DLG2: variants seen among roughly 807,000 people sequenced by gnomAD.
The protein encoded by DLG2 is discs large MAGUK scaffold protein 2, also known as disks large homolog 2.
DLG2 carries 45 observed loss-of-function variants against 132.5 expected under a neutral mutation model. The ratio of observed to expected loss-of-function variants is 0.34; its 90% CI spans 0.27 to 0.44. DLG2 has a LOEUF of 0.44. Among genes scored for constraint, DLG2 ranks in the 20% least tolerant of loss-of-function variants. The pLI, the probability that DLG2 is intolerant of heterozygous loss-of-function variation, is 1.00. For missense variants in DLG2, 1,045 were observed against 1,196.9 expected, an observed-to-expected ratio of 0.87 and a Z score of 1.87; for synonymous variants, 424 against 419.6, an observed-to-expected ratio of 1.01 and a Z score of -0.13.
intron 15 of DLG2, among the ~76,000 whole-genome samples, chr11:83,875,997 C>T (rs1048058273): frequency 6.6e-6 from 1 of 152,150 alleles, no homozygotes; most frequent in Non-Finnish European, 1.5e-5. Context: ...CCTCACAGTG[C>T]CAAGATATTC....
At chr11:85,201,220 A>C (rs2081434762) in intron 4 of DLG2, among the ~76,000 whole-genome samples, 1 of 152,188 alleles carries the variant, frequency 6.6e-6, no homozygotes, top group African/African-American at 2.4e-5. Context: ...CCACTACAGT[A>C]GGGTAGCTAC....
intron 6 of DLG2, among the ~76,000 whole-genome samples, chr11:84,972,536 C>G (rs2054247781): frequency 6.6e-6 from 1 of 152,134 alleles, no homozygotes. Flanking sequence ...TTGGGTGATT[C>G]AAACAAGAAA....
intron 6 of DLG2, among the ~76,000 whole-genome samples, chr11:85,007,332 C>G: frequency 6.6e-6 from 1 of 152,050 alleles, no homozygotes; most frequent in Non-Finnish European, 1.5e-5. Flanking sequence ...AATATCTTTT[C>G]TGTGTGTGAC....
At chr11:85,535,618 A>G (rs761314251) in intron 3 of DLG2, among the ~76,000 whole-genome samples, 5 of 152,222 alleles carry the variant, frequency 3.3e-5, no homozygotes, top group East Asian at 3.8e-4. Context: ...TAAACCAGCA[A>G]TTCTACTCCT....
intron 11 of DLG2, among the ~76,000 whole-genome samples, chr11:84,030,147 T>C (rs368432575): frequency 6.6e-6 from 1 of 152,160 alleles, no homozygotes; most frequent in Admixed American, 6.6e-5. Context: ...CTCACCAATA[T>C]AAATTGTATG....
chr11:83,556,773 G>A (rs2096527973), intron 19 of DLG2, among the ~76,000 whole-genome samples: 1 of 152,126 alleles, frequency 6.6e-6, no homozygotes, highest in African/African-American at 2.4e-5. Flanking sequence ...GTATAAATTG[G>A]GCAGAAAAGC....
intron 7 of DLG2, among the ~76,000 whole-genome samples, chr11:84,388,306 C>T (rs907382679): frequency 1.3e-5 from 2 of 151,970 alleles, no homozygotes; most frequent in African/African-American, 4.8e-5. Context: ...TTGTCAATCT[C>T]AAAGAATCTA....
chr11:85,252,363 C>T (rs945175630), intron 4 of DLG2, among the ~76,000 whole-genome samples: 16 of 152,168 alleles, frequency 1.1e-4, no homozygotes, highest in East Asian at 5.8e-4. Flanking sequence ...CCAAGGCAGG[C>T]GGATCACGAG....
At chr11:84,952,864 C>T (rs1298002320) in intron 6 of DLG2, among the ~76,000 whole-genome samples, 1 of 152,218 alleles carries the variant, frequency 6.6e-6, no homozygotes, top group Non-Finnish European at 1.5e-5. Context: ...TTTGTCTTTA[C>T]AACCAATTCC....
intron 11 of DLG2, among the ~76,000 whole-genome samples, chr11:84,013,731 G>A (rs1200333062): frequency 6.6e-6 from 1 of 151,896 alleles, no homozygotes; most frequent in East Asian, 1.9e-4. Context: ...GCTGGGTATG[G>A]TGGTGCACGC....
At chr11:85,419,598 G>T (rs184759613) in intron 3 of DLG2, among the ~76,000 whole-genome samples, 1 of 152,072 alleles carries the variant, frequency 6.6e-6, no homozygotes, top group Non-Finnish European at 1.5e-5. Context: ...TTTTCACATA[G>T]TCCCATATTT....
chr11:84,502,210 CCT>C (rs759200756), intron 7 of DLG2, among the ~76,000 whole-genome samples: 5,878 of 14,048 alleles, frequency 0.42, 1,845 homozygotes, highest in African/African-American at 0.53. Flanking sequence ...CTCCTTCCTT[CCT>C]TCCTTCCTTC....
At chr11:84,881,034 A>G (rs964076380) in intron 6 of DLG2, among the ~76,000 whole-genome samples, 7 of 152,136 alleles carry the variant, frequency 4.6e-5, no homozygotes, top group Non-Finnish European at 8.8e-5. Context: ...AATGTGAGAT[A>G]TATCAAAAAA....
At chr11:84,263,779 T>C (rs995383034) in intron 7 of DLG2, among the ~76,000 whole-genome samples, 3 of 152,164 alleles carry the variant, frequency 2.0e-5, no homozygotes, top group Admixed American at 1.3e-4. Flanking sequence ...ATATCTAGAA[T>C]GATTCTTTTG....
chr11:83,879,168 A>T (rs1440488024), intron 15 of DLG2, among the ~76,000 whole-genome samples: 1 of 152,204 alleles, frequency 6.6e-6, no homozygotes, highest in Admixed American at 6.5e-5. Context: ...TGGTGGTAAC[A>T]AATGGCTTTT....
chr11:83,588,419 G>A (rs1348739822), intron 19 of DLG2, among the ~76,000 whole-genome samples: 1 of 152,006 alleles, frequency 6.6e-6, no homozygotes, highest in African/African-American at 2.4e-5. Context: ...CTGCAGCTGA[G>A]GGTCCTCTCT....
At chr11:83,478,874 T>C (rs1241420812) in intron 22 of DLG2, among the ~76,000 whole-genome samples, 2 of 152,154 alleles carry the variant, frequency 1.3e-5, no homozygotes, top group African/African-American at 4.8e-5. Flanking sequence ...TAGGTGTTAT[T>C]AACACAAGCT....
At chr11:83,934,340 T>C (rs919904995) in intron 14 of DLG2, among the ~76,000 whole-genome samples, 1 of 152,228 alleles carries the variant, frequency 6.6e-6, no homozygotes, top group Non-Finnish European at 1.5e-5. Context: ...CCAGACTGAC[T>C]CTATCTTTAA....
intron 3 of DLG2, among the ~76,000 whole-genome samples, chr11:85,493,044 T>G (rs890016994): frequency 6.6e-6 from 1 of 152,082 alleles, no homozygotes; most frequent in Non-Finnish European, 1.5e-5. Context: ...CCATGGTTAA[T>G]AATTTTCCTG....
Sources: allele counts gnomAD v4.1 joint callset (sites outside exome capture counted in the v4.1 genomes callset), GRCh38; gene constraint gnomAD v4.1.1; transcripts MANE v1.5; gene names NCBI Gene and HGNC (gene_info 2026-07-23, HGNC 2026-07-21).